Variants in CDKAL1 observed in about 807,000 individuals in gnomAD.
The protein encoded by CDKAL1 is threonylcarbamoyladenosine tRNA methylthiotransferase.
Under a neutral mutation model 68.2 loss-of-function variants are expected in CDKAL1, and 32 were observed. The ratio of observed to expected loss-of-function variants is 0.47; its 90% CI spans 0.35 to 0.63. The LOEUF is 0.63. CDKAL1 is among the 30% of genes least tolerant of loss of function. The pLI is 0.00. For missense variants in CDKAL1, 606 were observed against 696.7 expected, an observed-to-expected ratio of 0.87 and a Z score of 1.47; for synonymous variants, 234 against 244.3, an observed-to-expected ratio of 0.96 and a Z score of 0.39.
Position 20,893,456 on chromosome 6 carries a change from T to C in CDKAL1, c.742+47278T>C, listed in dbSNP as rs536667999. On this transcript the variant is annotated intron_variant, in intron 9 of 15. Coordinates refer to ENST00000274695, the MANE Select transcript of CDKAL1 (RefSeq NM_017774.3). ...AGTAAGGGATATATGTGTAGAGATA[T>C]ATGGCTGGATTATTCAGGTGGGGAG... 5.9e-5 allele frequency among the ~76,000 whole-genome samples: 9 copies of C among 152,294 alleles called. No individual in the cohort carries two copies. In the South Asian group the frequency reaches 8.3e-4, roughly 14 times the overall value.
intron 9 of CDKAL1, among the ~76,000 whole-genome samples, chr6:20,846,396 C>G (rs1048430056): frequency 6.6e-6 from 1 of 152,100 alleles, no homozygotes; most frequent in African/African-American, 2.4e-5. Context: ...TCTTATCACT[C>G]TAAGGTAAAT....
At chr6:20,568,037 G>A (rs1288358891) in intron 4 of CDKAL1, among the ~76,000 whole-genome samples, 1 of 152,050 alleles carries the variant, frequency 6.6e-6, no homozygotes, top group Admixed American at 6.6e-5. Context: ...CACCACGCCC[G>A]GCTAATTTTT....
chr6:21,108,738 G>C (rs967180281), intron 13 of CDKAL1, among the ~76,000 whole-genome samples: 1 of 152,046 alleles, frequency 6.6e-6, no homozygotes, highest in Non-Finnish European at 1.5e-5. Flanking sequence ...TATTTTGGTT[G>C]GTTGGTTTTT....
intron 13 of CDKAL1, among the ~76,000 whole-genome samples, chr6:21,140,771 C>T (rs1775860012): frequency 6.6e-6 from 1 of 152,188 alleles, no homozygotes; most frequent in African/African-American, 2.4e-5. Flanking sequence ...GTCCTGCTTG[C>T]TATGTGTATT....
intron 8 of CDKAL1, among the ~76,000 whole-genome samples, chr6:20,823,067 T>A (rs1010318056): frequency 5.3e-5 from 8 of 151,932 alleles, no homozygotes; most frequent in African/African-American, 1.9e-4. Flanking sequence ...CATTCTCGTT[T>A]TCTCTCTCTC....
chr6:21,157,437 A>C (rs1776698142), intron 13 of CDKAL1, among the ~76,000 whole-genome samples: 1 of 152,216 alleles, frequency 6.6e-6, no homozygotes, highest in South Asian at 2.1e-4. Flanking sequence ...GTCTCAAAGA[A>C]ACAAACAAAA....
chr6:21,038,615 A>G (rs1769727971), intron 11 of CDKAL1, among the ~76,000 whole-genome samples: 1 of 152,228 alleles, frequency 6.6e-6, no homozygotes, highest in Non-Finnish European at 1.5e-5. Flanking sequence ...CCCACAGCCC[A>G]GGACAGCTTT....
At chr6:20,992,196 T>TATATATATATATATA in intron 10 of CDKAL1, among the ~76,000 whole-genome samples, 1 of 141,016 alleles carries the variant, frequency 7.1e-6, no homozygotes. Context: ...GTCAGCTTTT[T>TATATATATATATATA]TATATATATA....
Position 21,152,385 on chromosome 6 carries a change from C to T in CDKAL1, c.1299+43922C>T, listed in dbSNP as rs1176086539. ...TAATTTGCTAAACATGAATTGAGCA[C>T]TCAATAGGTACAGGCATTCAGCCAA... On this transcript the variant is annotated intron_variant, in intron 13 of 15. Transcript: ENST00000274695. 2.0e-5 allele frequency among the ~76,000 whole-genome samples: 3 copies of T among 152,238 alleles called. No homozygotes were observed. In the East Asian group the frequency reaches 5.8e-4, roughly 29 times the overall value.
chr6:20,586,837 T>G lies in CDKAL1; in HGVS notation c.286+38132T>G, dbSNP rs1289132081. ...TGTTCTGAGGTTTACAAAGGCCAGA[T>G]GAAGTGAACACCTTTTCTACTTCTC... is the stretch of plus-strand genomic sequence containing the variant. On this transcript the variant is annotated intron_variant, in intron 4 of 15. Coordinates refer to ENST00000274695, the MANE Select transcript of CDKAL1 (RefSeq NM_017774.3). Among the ~76,000 whole-genome samples, 67 of 152,286 alleles carry G rather than the reference T, an allele frequency of 4.4e-4. 1 individual carries two copies.
rs139303505 is a variant in CDKAL1, at chr6:21,082,959, G to A, written c.1236+17731G>A. 6.9e-3 allele frequency among the ~76,000 whole-genome samples: 997 copies of A among 145,034 alleles called. 11 individuals are homozygous for A. Among genetic ancestry groups the A allele is most frequent in the African/African-American group, 0.024 (952 of 39,074 alleles). ...CACAGTCACGGCTCCCTGCAACCTC[G>A]ACCTCCTGGGCTCATACAGTTCTCC... On this transcript the variant is annotated intron_variant, in intron 12 of 15. Transcript: ENST00000274695.
At chr6:20,604,000 A>AT (rs143771764) in intron 4 of CDKAL1, among the ~76,000 whole-genome samples, 14,233 of 151,690 alleles carry the variant, frequency 0.094, 769 homozygotes, top group African/African-American at 0.12. Context: ...AACAAACAGG[A>AT]TGTGAAGACT....
At chr6:20,930,300 AT>A (rs1484207954) in intron 9 of CDKAL1, among the ~76,000 whole-genome samples, 4 of 151,182 alleles carry the variant, frequency 2.6e-5, no homozygotes, top group South Asian at 2.1e-4. Flanking sequence ...TATAAAAAGT[AT>A]TTTTTTTTCT....
chr6:20,585,259 A>G (rs976276091), intron 4 of CDKAL1, among the ~76,000 whole-genome samples: 1 of 151,960 alleles, frequency 6.6e-6, no homozygotes, highest in African/African-American at 2.4e-5. Context: ...TCACCGTGTT[A>G]GCCAGGATGG....
chr6:21,060,195 G>A (rs985551600), intron 11 of CDKAL1, among the ~76,000 whole-genome samples: 1 of 152,116 alleles, frequency 6.6e-6, no homozygotes, highest in Non-Finnish European at 1.5e-5. Context: ...TTTTGTTTGG[G>A]TGGCAAGATT....
At chr6:20,963,802 G>A (rs1036700911) in intron 10 of CDKAL1, among the ~76,000 whole-genome samples, 1 of 152,034 alleles carries the variant, frequency 6.6e-6, no homozygotes, top group East Asian at 1.9e-4. Flanking sequence ...GTGCTTCACT[G>A]GTATTCTCAG....
chr6:20,781,158 A>G lies in CDKAL1; in HGVS notation c.531A>G (p.Arg177=). 1.9e-6 allele frequency: 3 copies of G among 1,613,880 alleles called. No homozygotes were observed. Among genetic ancestry groups the G allele is most frequent in the Non-Finnish European group, 2.5e-6 (3 of 1,179,940 alleles). ...CTTGATTTGAAGGTCACTCTGTGAGACTGCTGGGTCAGAAAAAGGATAATG... is the reference window on the plus strand; with the variant it reads ...CTTGATTTGAAGGTCACTCTGTGAGGCTGCTGGGTCAGAAAAAGGATAATG... The part of the protein sequence containing the change: ...VEETIKGHSV[R]LLGQKKDNGR... The change falls in exon 8 of 16, where the codon AGA becomes AGG. Residue 177 remains arginine, a synonymous_variant. Transcript: ENST00000274695.
At chr6:21,145,003 C>G (rs536519191) in intron 13 of CDKAL1, among the ~76,000 whole-genome samples, 52 of 152,252 alleles carry the variant, frequency 3.4e-4, no homozygotes, top group African/African-American at 1.0e-3. Flanking sequence ...ATAAGTTCTG[C>G]TTTGCTAGGC....
At chr6:20,711,218 A>G (rs1188701338) in intron 5 of CDKAL1, among the ~76,000 whole-genome samples, 1 of 152,216 alleles carries the variant, frequency 6.6e-6, no homozygotes, top group Non-Finnish European at 1.5e-5. Flanking sequence ...TCTGTTTTGA[A>G]ATATACATGT....
Sources: gnomAD v4.1 joint callset for allele counts (sites outside exome capture counted in the v4.1 genomes callset) on GRCh38, gnomAD v4.1.1 for gene constraint, MANE v1.5 for transcripts, NCBI Gene and HGNC (gene_info 2026-07-23, HGNC 2026-07-21) for gene names.